The following VIT variants were observed in gnomAD, a reference collection of about 807,000 sequenced individuals.
VIT encodes vitrin.
In VIT, 99 loss-of-function variants were observed where a neutral mutation model predicts 78.0. The observed-to-expected ratio is 1.27, with a 90% CI of 1.08 to 1.50. The LOEUF is 1.50. Among genes scored for constraint, VIT ranks in the 40% most tolerant of loss-of-function variants. VIT has a pLI of 0.00. For synonymous variants in VIT, 374 were observed against 334.3 expected (o/e 1.12, Z -1.29); for missense variants, 1,126 against 875.3 (o/e 1.29, Z -3.61).
chr2:36,791,600 A>C (rs145580035), intron 12 of VIT, among the ~76,000 whole-genome samples: 173 of 152,306 alleles, frequency 1.1e-3, no homozygotes, highest in African/African-American at 4.0e-3. Context: ...TTGTCATTCA[A>C]AGGGAGGTGT....
At chr2:36,762,709 A>AC (rs554683628) in intron 6 of VIT, among the ~76,000 whole-genome samples, 120 of 152,224 alleles carry the variant, frequency 7.9e-4, no homozygotes, top group Non-Finnish European at 1.4e-3. Flanking sequence ...TCTCCGCATG[A>AC]CCCTAAAAAA....
intron 11 of VIT, among the ~76,000 whole-genome samples, chr2:36,785,138 T>G (rs1159720590): frequency 6.6e-6 from 1 of 152,204 alleles, no homozygotes; most frequent in African/African-American, 2.4e-5. Flanking sequence ...TTACTCTAAT[T>G]AACACTTGTT....
chr2:36,788,922 G>C (rs1364661300), intron 12 of VIT, among the ~76,000 whole-genome samples: 1 of 152,106 alleles, frequency 6.6e-6, no homozygotes, highest in African/African-American at 2.4e-5. Context: ...AATGTTGCAG[G>C]GAAGGAAGAA....
chr2:36,792,272 C>T (rs1665555985), intron 12 of VIT, among the ~76,000 whole-genome samples: 1 of 152,218 alleles, frequency 6.6e-6, no homozygotes, highest in South Asian at 2.1e-4. Flanking sequence ...CCACTTCTCT[C>T]CTCTCTGAGA....
chr2:36,810,590 C>G (rs932887205), intron 15 of VIT, among the ~76,000 whole-genome samples: 7 of 152,002 alleles, frequency 4.6e-5, no homozygotes, highest in African/African-American at 1.7e-4. Flanking sequence ...ATATACACAA[C>G]TCACTCAGTG....
chr2:36,792,298 C>A (rs1572548708), intron 12 of VIT, among the ~76,000 whole-genome samples: 1 of 152,158 alleles, frequency 6.6e-6, no homozygotes, highest in Admixed American at 6.5e-5. Flanking sequence ...GCAGGTAAGG[C>A]CCACAAGCCG....
intron 2 of VIT, among the ~76,000 whole-genome samples, chr2:36,721,576 T>C (rs1033158999): frequency 6.6e-6 from 1 of 152,230 alleles, no homozygotes; most frequent in Non-Finnish European, 1.5e-5. Context: ...ACTCAGTGTT[T>C]TCCCTTTGCC....
intron 4 of VIT, among the ~76,000 whole-genome samples, chr2:36,745,559 C>T (rs1278813987): frequency 6.6e-6 from 1 of 151,982 alleles, no homozygotes; most frequent in Non-Finnish European, 1.5e-5. Flanking sequence ...AAAGCATTTT[C>T]TTCTTCTTGT....
intron 1 of VIT, among the ~76,000 whole-genome samples, chr2:36,697,239 T>C (rs981100468): frequency 2.0e-5 from 3 of 152,264 alleles, no homozygotes; most frequent in East Asian, 3.8e-4. Context: ...AATTTAATTA[T>C]GGTTACAAAT....
At chr2:36,777,556 A>C (rs935833275) in intron 9 of VIT, among the ~76,000 whole-genome samples, 3 of 152,022 alleles carry the variant, frequency 2.0e-5, no homozygotes, top group Non-Finnish European at 2.9e-5. Flanking sequence ...AAAACACCCC[A>C]ACTTCCATTT....
In VIT at chr2:36,743,068, G is replaced by C. The variant is rs144024705; in HGVS notation, c.119-32G>C. 6.1e-4 allele frequency: 980 copies of C among 1,612,286 alleles called. 6 individuals carry two copies. The African/African-American group carries it at 0.012, about 20-fold the overall frequency. On this transcript the variant is annotated intron_variant, in intron 3 of 15. Transcript: ENST00000379242. ...CCCCACAGATAAACTAATAGCACAA[G>C]GTGTAATTTTGACCTCATTTTGTAT... is the stretch of plus-strand genomic sequence containing the variant.
intron 6 of VIT, chr2:36,759,780 G>T (rs1293008150): frequency 3.4e-5 from 20 of 587,316 alleles, no homozygotes; most frequent in Non-Finnish European, 4.3e-5. Flanking sequence ...CACGGTTTAA[G>T]AATAGCAGTA....
chr2:36,716,253 G>C (rs745451671), intron 1 of VIT, 100 bp from the exon 2 acceptor site: 3 of 900,556 alleles, frequency 3.3e-6, no homozygotes, highest in East Asian at 2.4e-5. Flanking sequence ...AGACTCCAGA[G>C]GGCAATGCAA....
intron 12 of VIT, among the ~76,000 whole-genome samples, chr2:36,798,580 C>A (rs544032341): frequency 6.6e-6 from 1 of 152,074 alleles, no homozygotes; most frequent in Admixed American, 6.6e-5. Flanking sequence ...CATAGTGAAA[C>A]CCCGTCTCTA....
chr2:36,733,801 G>A (rs906096246), intron 3 of VIT, among the ~76,000 whole-genome samples: 3 of 152,130 alleles, frequency 2.0e-5, no homozygotes, highest in Admixed American at 6.5e-5. Flanking sequence ...TATGTCTTAC[G>A]TCTTTTAGAA....
intron 1 of VIT, among the ~76,000 whole-genome samples, chr2:36,704,445 C>T (rs1198539620): frequency 2.0e-5 from 3 of 152,132 alleles, no homozygotes; most frequent in Admixed American, 6.5e-5. Flanking sequence ...GGATCAATCC[C>T]GTCTCATTTA....
rs762533562 is a variant in VIT, at chr2:36,808,801, C to T, written c.1719C>T (p.Ile573=). Residue 573 remains isoleucine (I), a synonymous_variant, in exon 15 of 16, where the codon ATC becomes ATT. Transcript: ENST00000379242. The part of the protein sequence containing the change: ...GFDKYSSKPD[I]LNAIKRVGYW... ...ACAAGTACAGCAGCAAGCCTGACATCCTCAACGCCATCAAGAGGGTGGGCT... is the reference window on the plus strand; with the variant it reads ...ACAAGTACAGCAGCAAGCCTGACATTCTCAACGCCATCAAGAGGGTGGGCT... The T allele has an allele frequency of 1.9e-6, 3 of 1,614,040 alleles. No individual in the cohort carries two copies. Among genetic ancestry groups the T allele is most frequent in the South Asian group, 1.1e-5 (1 of 91,072 alleles).
intron 5 of VIT, among the ~76,000 whole-genome samples, 177 bp downstream of exon 5, chr2:36,755,231 A>G (rs1558542417): frequency 6.6e-6 from 1 of 152,226 alleles, no homozygotes; most frequent in Non-Finnish European, 1.5e-5. Context: ...ATAAATCACC[A>G]CAAAGTCATA....
intron 15 of VIT, among the ~76,000 whole-genome samples, chr2:36,810,178 C>G (rs978637539): frequency 6.6e-6 from 1 of 152,040 alleles, no homozygotes; most frequent in African/African-American, 2.4e-5. Flanking sequence ...GTAATCCCAG[C>G]TACTCAGGAG....
Sources: allele counts gnomAD v4.1 joint callset (sites outside exome capture counted in the v4.1 genomes callset), GRCh38; gene constraint gnomAD v4.1.1; transcripts MANE v1.5; gene names NCBI Gene and HGNC (gene_info 2026-07-23, HGNC 2026-07-21).